The following MYCBP2 variants were observed in gnomAD, a reference collection of about 807,000 sequenced individuals.
MYCBP2 encodes MYC binding protein 2, also known as E3 ubiquitin-protein ligase MYCBP2.
A neutral mutation model predicts 525.3 loss-of-function variants in MYCBP2; 120 were observed. The ratio of observed to expected loss-of-function variants is 0.23; its 90% CI spans 0.20 to 0.27. MYCBP2 has a LOEUF of 0.27. Ranked by LOEUF, MYCBP2 falls within the 10% of genes least tolerant of loss-of-function variation. The pLI is 1.00. For synonymous variants in MYCBP2, 1,894 were observed against 1,955.8 expected, an observed-to-expected ratio of 0.97 and a Z score of 0.83; for missense variants, 4,149 against 5,657.1, an observed-to-expected ratio of 0.73 and a Z score of 8.55.
At chr13:77,307,087 C>T (rs541532113) in intron 1 of MYCBP2, among the ~76,000 whole-genome samples, 1 of 152,126 alleles carries the variant, frequency 6.6e-6, no homozygotes, top group East Asian at 1.9e-4. Flanking sequence ...GAAAACAGAT[C>T]AGAAAAAGAA....
intron 55 of MYCBP2, chr13:77,099,412 A>G (rs1018551718): frequency 2.0e-5 from 4 of 202,148 alleles, no homozygotes; most frequent in African/African-American, 4.8e-5. Context: ...TGTAGAGTAG[A>G]GCTAAATTTC....
At chr13:77,228,275 A>T (rs140867336) in intron 18 of MYCBP2, among the ~76,000 whole-genome samples, 142 of 152,140 alleles carry the variant, frequency 9.3e-4, no homozygotes, top group Admixed American at 2.4e-3. Context: ...GGAGGCTGAG[A>T]AAGGCAGATT....
In MYCBP2 at chr13:77,166,478, A is replaced by G. The variant is rs750063268; in HGVS notation, c.6191T>C (p.Val2064Ala). Residue 2064 changes from valine (V) to alanine (A), a missense_variant, in exon 41 of 83, where the codon GTC becomes GCC. By Grantham distance (64) the Val-to-Ala change is moderately conservative. This residue lies in a region of MYCBP2 where 692 missense variants were observed against 852.7 expected (regional missense o/e 0.81). Coordinates refer to ENST00000544440, the MANE Select transcript of MYCBP2 (RefSeq NM_015057.5). ...TCTGACAGGAATCAACAAACGAAGG[A>G]CATCTTCTGACTGTGCAGTACCACA... ...PQCGTAQSED[V>A]LRLLIPVRTV... The G allele has an allele frequency of 2.4e-5, 38 of 1,613,938 alleles. No homozygotes were observed. Among genetic ancestry groups the G allele is most frequent in the Non-Finnish European group, 3.2e-5 (38 of 1,179,940 alleles).
At chr13:77,191,545 T>C in intron 28 of MYCBP2, 134 bp downstream of exon 28, 2 of 1,047,896 alleles carry the variant, frequency 1.9e-6, no homozygotes, top group Non-Finnish European at 2.7e-6. Context: ...TACATGAATT[T>C]AATTTTTAGC....
intron 33 of MYCBP2, among the ~76,000 whole-genome samples, chr13:77,180,831 G>A (rs1401599770): frequency 6.6e-6 from 1 of 152,178 alleles, no homozygotes; most frequent in Non-Finnish European, 1.5e-5. Context: ...GAGGTGGGAA[G>A]ATCGTTTGAG....
intron 1 of MYCBP2, among the ~76,000 whole-genome samples, chr13:77,297,470 A>G (rs74095712): frequency 0.03 from 4,554 of 152,208 alleles, 238 homozygotes; most frequent in African/African-American, 0.1. Context: ...GTCGGGGGGA[A>G]GAGGGAATGC....
At chr13:77,080,339 C>T (rs753570014) in intron 65 of MYCBP2, among the ~76,000 whole-genome samples, 4 of 152,048 alleles carry the variant, frequency 2.6e-5, no homozygotes, top group Non-Finnish European at 4.4e-5. Context: ...GCAAATGGCA[C>T]AGGAGAAGCC....
chr13:77,113,275 C>A (rs1049976272), intron 55 of MYCBP2, among the ~76,000 whole-genome samples: 1 of 152,146 alleles, frequency 6.6e-6, no homozygotes, highest in African/African-American at 2.4e-5. Flanking sequence ...CCTAGCTGAG[C>A]CAGAAGCTTT....
At chr13:77,212,869 C>T (rs1323022295) in intron 21 of MYCBP2, among the ~76,000 whole-genome samples, 1 of 152,134 alleles carries the variant, frequency 6.6e-6, no homozygotes, top group Non-Finnish European at 1.5e-5. Flanking sequence ...TAAAAGAATG[C>T]TGACATTGAC....
chr13:77,096,122 A>G (rs2154126524), intron 57 of MYCBP2, among the ~76,000 whole-genome samples, 190 bp downstream of exon 57: 1 of 152,246 alleles, frequency 6.6e-6, no homozygotes, highest in East Asian at 1.9e-4. Context: ...ATTCCAATAT[A>G]TAGTTAATTT....
intron 23 of MYCBP2, among the ~76,000 whole-genome samples, chr13:77,208,650 A>G (rs1441491155): frequency 1.3e-5 from 2 of 152,214 alleles, no homozygotes; most frequent in South Asian, 2.1e-4. Flanking sequence ...AGAAAAATAC[A>G]TGCATTTTAA....
chr13:77,145,750 C>T (rs977580034), intron 48 of MYCBP2, among the ~76,000 whole-genome samples: 3 of 151,870 alleles, frequency 2.0e-5, no homozygotes, highest in Non-Finnish European at 4.4e-5. Flanking sequence ...GAATTACTTA[C>T]GGGCTGAAAA....
intron 46 of MYCBP2, among the ~76,000 whole-genome samples, chr13:77,154,319 T>TTTAAGGAAAGAGGTTTA (rs1220737988): frequency 6.9e-6 from 1 of 145,808 alleles, no homozygotes; most frequent in Non-Finnish European, 1.5e-5. Context: ...CAAGGAAAGA[T>TTTAAGGAAAGAGGTTTA]AGTAGGAGAA....
At chr13:77,309,370 T>C (rs759728644) in intron 1 of MYCBP2, among the ~76,000 whole-genome samples, 1 of 152,230 alleles carries the variant, frequency 6.6e-6, no homozygotes, top group African/African-American at 2.4e-5. Flanking sequence ...ATAATGTATC[T>C]GAACAGGACT....
Position 77,110,455 on chromosome 13 carries a change from G to A in MYCBP2, c.8140+10918C>T, listed in dbSNP as rs1407770653. Among the ~76,000 whole-genome samples the A allele has an allele frequency of 8.5e-5, 13 of 152,118 alleles. No homozygotes were observed. In the South Asian group the frequency reaches 1.0e-3, roughly 12 times the overall value. The stretch of plus-strand genomic sequence containing the variant: ...GTTAAGATGTTTATCAAGACAATAC[G>A]TGCACAGCTGAACATAGACCCTCAT... On this transcript the variant is annotated intron_variant, in intron 55 of 82. Transcript: ENST00000544440.
intron 1 of MYCBP2, among the ~76,000 whole-genome samples, chr13:77,300,982 CAA>C (rs2078723931): frequency 6.6e-6 from 1 of 152,108 alleles, no homozygotes; most frequent in East Asian, 1.9e-4. Context: ...ATAAAGGAAA[CAA>C]GAGACTAGTA....
chr13:77,226,752 A>C (rs1223270520), intron 18 of MYCBP2, among the ~76,000 whole-genome samples: 2 of 152,134 alleles, frequency 1.3e-5, no homozygotes, highest in African/African-American at 4.8e-5. Context: ...TCCTTTCCGT[A>C]ACTAAATGCC....
At chr13:77,169,504 T>C (rs2058923762) in intron 39 of MYCBP2, 110 bp downstream of exon 39, 3 of 763,964 alleles carry the variant, frequency 3.9e-6, no homozygotes, top group East Asian at 2.9e-5. Flanking sequence ...TTGTTACCTA[T>C]ATCCCAGATG....
intron 18 of MYCBP2, 65 bp downstream of exon 18, chr13:77,233,091 A>G: frequency 7.1e-7 from 1 of 1,415,844 alleles, no homozygotes; most frequent in Non-Finnish European, 1.0e-6. Flanking sequence ...TCCCAGAGAC[A>G]AAATTCAAAT....
Sources: allele counts gnomAD v4.1 joint callset (sites outside exome capture counted in the v4.1 genomes callset), GRCh38; gene constraint gnomAD v4.1.1; regional missense constraint gnomAD v4.1.1; transcripts MANE v1.5; gene names NCBI Gene and HGNC (gene_info 2026-07-23, HGNC 2026-07-21).